The following RBL2 variants were observed in gnomAD, a reference collection of about 807,000 sequenced individuals.
RBL2 encodes retinoblastoma-like protein 2.
A neutral mutation model predicts 126.0 loss-of-function variants in RBL2; 56 were observed. The observed-to-expected ratio is 0.44, with a 90% CI of 0.36 to 0.56. The LOEUF (loss-of-function observed/expected upper bound fraction) is 0.56. RBL2 is among the 20% of genes least tolerant of loss of function. The pLI is 0.00. For missense variants in RBL2, 1,229 were observed against 1,398.2 expected, an observed-to-expected ratio of 0.88 and a Z score of 1.93; for synonymous variants, 454 against 478.5, an observed-to-expected ratio of 0.95 and a Z score of 0.67.
In RBL2 at chr16:53,479,441, T is replaced by C. The variant is rs1960858893; in HGVS notation, c.2775+216T>C. ...AACAATGTTAAATATTTGATTGCCT[T>C]CTTAATTCAGAAAAATCACAAGATA... On this transcript the variant is annotated intron_variant, in intron 18 of 21. Transcript: ENST00000262133. 3 of 545,252 alleles carry C rather than the reference T, an allele frequency of 5.5e-6. No homozygotes were observed. The South Asian group carries it at 7.6e-5, about 14-fold the overall frequency. The allele number at this position is 545,252 out of a possible 1,614,324, so 33.8% of individuals were successfully genotyped here.
rs199701146 is a variant in RBL2 at position 53,434,767 on chromosome 16, C to A, written c.211C>A (p.Arg71Ser). The change falls in exon 1 of 22, where the codon CGC (arginine) becomes AGC (serine). Residue 71 changes from arginine to serine, a missense_variant. Around this residue, in one of 2 missense-constraint regions of RBL2, gnomAD observed 159 missense variants for 123.9 expected, o/e 1.28. Transcript: ENST00000262133. ...AARAEAWDSYRSMSESYTLEG... is the reference protein window; with the variant it reads ...AARAEAWDSYSSMSESYTLEG... ...GCGGGCCGAGGCCTGGGACAGCTAC[C>A]GCAGCATGAGCGAAAGCTACACGCT... 3 of 1,529,046 alleles carry A rather than the reference C, an allele frequency of 2.0e-6. No individual in the cohort carries two copies. Among genetic ancestry groups the A allele is most frequent in the South Asian group, 2.4e-5 (2 of 83,286 alleles). The allele number at this position is 1,529,046 out of a possible 1,614,324, so 94.7% of individuals were successfully genotyped here. A position where few individuals can be genotyped will look rare whatever the true frequency, so the allele number is the denominator to read the frequency against.
At chr16:53,454,938 C>G in intron 8 of RBL2, 96 bp downstream of exon 8, 1 of 1,098,020 alleles carries the variant, frequency 9.1e-7, no homozygotes, top group Non-Finnish European at 1.2e-6. Flanking sequence ...TTTTACTTGC[C>G]TACAGTATGA....
At position 53,457,258 on chromosome 16, in the gene RBL2, C is replaced by CCTTTT. The variant is rs1555566426; in HGVS notation, c.1180-2193_1180-2192insCTTTT. On this transcript the variant is annotated intron_variant, in intron 8 of 21. Coordinates refer to ENST00000262133, the MANE Select transcript of RBL2 (RefSeq NM_005611.4). ...GGGTCATCAGGGTGGGTACAGATAG[C>CCTTTT]TTTTTTTTTTTTTTTTTTTGAGATG... is the stretch of plus-strand genomic sequence containing the variant. 3.4e-3 allele frequency among the ~76,000 whole-genome samples: 305 copies of CCTTTT among 89,866 alleles called. 30 individuals carry two copies. The highest frequency in any genetic ancestry group is 4.0e-3 in the Non-Finnish European group (196 of 49,392). 59.0% of individuals were successfully genotyped at this position (89,866 alleles called of 152,430 possible).
Position 53,470,631 on chromosome 16 carries a change from A to G in RBL2, c.2494A>G (p.Lys832Glu), listed in dbSNP as rs930084892. ...SVTSSSNRPR[K>E]TSSLSLFFRK... Reference sequence around the variant, plus strand: ...AACCAGCAGTAGTAATAGACCCAGGAAGACCAGCTCTTTATCGCTTTTCTT... The same window carrying G: ...AACCAGCAGTAGTAATAGACCCAGGGAGACCAGCTCTTTATCGCTTTTCTT... The change falls in exon 16 of 22, where the codon AAG becomes GAG. Residue 832 changes from lysine to glutamate, a missense_variant. Physicochemically the swap from Lys to Glu is moderately conservative, Grantham distance 56 (BLOSUM62 1). Transcript: ENST00000262133. The G allele has an allele frequency of 6.2e-7, 1 of 1,614,098 alleles. No individual in the cohort carries two copies. The highest frequency in any genetic ancestry group is 1.7e-5 in the Admixed American group (1 of 60,008).
At chr16:53,477,850 C>T (rs1382679358) in intron 17 of RBL2, among the ~76,000 whole-genome samples, 1 of 151,992 alleles carries the variant, frequency 6.6e-6, no homozygotes, top group Admixed American at 6.6e-5. Context: ...AAGAAATGTG[C>T]AGTTATACTG....
intron 5 of RBL2, 49 bp downstream of exon 5, chr16:53,451,880 T>G: frequency 5.6e-6 from 9 of 1,596,198 alleles, no homozygotes; most frequent in Non-Finnish European, 6.9e-6. Flanking sequence ...TTCTGTGTTA[T>G]GTTTACCCTT....
chr16:53,458,116 A>G (rs914719439), intron 8 of RBL2, among the ~76,000 whole-genome samples: 6 of 152,224 alleles, frequency 3.9e-5, no homozygotes, highest in Admixed American at 6.5e-5. Context: ...TCTTAGTTGT[A>G]TTACACTTTA....
At chr16:53,462,997 T>C (rs2058237391) in intron 11 of RBL2, among the ~76,000 whole-genome samples, 1 of 152,072 alleles carries the variant, frequency 6.6e-6, no homozygotes, top group African/African-American at 2.4e-5. Context: ...TGTGCCACCA[T>C]GCCCAGCTCA....
rs1302895138 is a variant in RBL2, at chr16:53,451,687, G to T, written c.638-16G>T. On this transcript the variant is annotated splice_polypyrimidine_tract_variant and intron_variant, in intron 4 of 21. Transcript: ENST00000262133. ...TCAATGCTAATTTAACTCTGTAACT[G>T]CTTATAATCCTGCAGGTAATTTCCC... The T allele has an allele frequency of 1.2e-6, 2 of 1,611,650 alleles. No individual in the cohort carries two copies. The highest frequency in any genetic ancestry group is 2.7e-5 in the African/African-American group (2 of 74,876).
intron 21 of RBL2, among the ~76,000 whole-genome samples, chr16:53,484,916 A>G (rs1042148810): frequency 6.6e-6 from 1 of 152,202 alleles, no homozygotes; most frequent in African/African-American, 2.4e-5. Flanking sequence ...GGCTGTATTA[A>G]TATCAGAGAA....
chr16:53,479,802 C>T, intron 18 of RBL2, 84 bp from the exon 19 acceptor site: 1 of 863,486 alleles, frequency 1.2e-6, no homozygotes, highest in African/African-American at 1.7e-5. Flanking sequence ...TTGTGAAAAC[C>T]AAGTAACATA....
At chr16:53,477,960 G>C (rs889552214) in intron 17 of RBL2, among the ~76,000 whole-genome samples, 1 of 152,072 alleles carries the variant, frequency 6.6e-6, no homozygotes, top group Non-Finnish European at 1.5e-5. Context: ...ATTTTGTGTA[G>C]TATTTCTTGT....
chr16:53,470,342 A>G (rs760713949), intron 15 of RBL2, 41 bp from the exon 16 acceptor site: 1 of 1,597,878 alleles, frequency 6.3e-7, no homozygotes, highest in South Asian at 1.1e-5. Flanking sequence ...AGAACCTCTT[A>G]TTATCAACAT....
chr16:53,461,445 C>T (rs1004800013), intron 9 of RBL2, among the ~76,000 whole-genome samples: 13 of 151,994 alleles, frequency 8.6e-5, no homozygotes, highest in African/African-American at 2.9e-4. Flanking sequence ...TGAGCCAAGA[C>T]TGCATCACTG....
intron 3 of RBL2, among the ~76,000 whole-genome samples, chr16:53,444,110 G>A (rs9927720): frequency 0.54 from 81,434 of 151,540 alleles, 24,034 homozygotes; most frequent in African/African-American, 0.78. Flanking sequence ...TTAGCTGTGC[G>A]TGGTGGTGCA....
rs999895220 is a variant in RBL2 at position 53,444,396 on chromosome 16, TAAAA to T, written c.572+1542_572+1545del. Reference sequence around the variant, plus strand: ...GGCGAAACCCCGTCTCTACTAAAAATAAAAAAATTAGCGGGGTGTGGTGGTGGGT... The same window carrying T: ...GGCGAAACCCCGTCTCTACTAAAAATAAATTAGCGGGGTGTGGTGGTGGGT... On this transcript the variant is annotated intron_variant, in intron 3 of 21. Transcript: ENST00000262133. 9.3e-5 allele frequency among the ~76,000 whole-genome samples: 14 copies of T among 151,100 alleles called. 1 individual carries two copies. Among genetic ancestry groups the T allele is most frequent in the South Asian group, 6.3e-4 (3 of 4,774 alleles).
Position 53,434,667 on chromosome 16 carries a change from T to C in RBL2, c.111T>C (p.Pro37=), listed in dbSNP as rs776466227. 4 of 1,571,314 alleles carry C rather than the reference T, an allele frequency of 2.5e-6. No homozygotes were observed. Among genetic ancestry groups the C allele is most frequent in the Admixed American group, 3.6e-5 (2 of 55,380 alleles). ...GCGAGGCGGAAGACGCCGCGCCGCC[T>C]GCCGAGTCGCCCACCCCTCAGATCC... The part of the protein sequence containing the change: ...DDGEAEDAAP[P]AESPTPQIQQ... Residue 37 remains proline (P), a synonymous_variant, in exon 1 of 22, where the codon CCT becomes CCC. Transcript: ENST00000262133.
At chr16:53,470,354 T>C (rs374357060) in intron 15 of RBL2, 29 bp from the exon 16 acceptor site, 2 of 1,603,020 alleles carry the variant, frequency 1.2e-6, no homozygotes, top group Non-Finnish European at 1.7e-6. Context: ...TATCAACATT[T>C]TCTTCATGCT....
intron 20 of RBL2, 38 bp downstream of exon 20, chr16:53,480,807 C>G: frequency 1.3e-6 from 2 of 1,569,016 alleles, no homozygotes; most frequent in Non-Finnish European, 1.8e-6. Context: ...TTTTTTCACT[C>G]ATGAGTGTTG....
Sources: gnomAD v4.1 joint callset for allele counts (sites outside exome capture counted in the v4.1 genomes callset) on GRCh38, gnomAD v4.1.1 for gene constraint, gnomAD v4.1.1 regional missense constraint, MANE v1.5 for transcripts, NCBI Gene and HGNC (gene_info 2026-07-23, HGNC 2026-07-21) for gene names.